The following MOXD1 variants were observed in gnomAD, a reference collection of about 807,000 sequenced individuals.
The protein encoded by MOXD1 is monooxygenase DBH like 1, also known as DBH-like monooxygenase protein 1.
Under a neutral mutation model 66.6 loss-of-function variants are expected in MOXD1, and 62 were observed. The observed-to-expected ratio is 0.93, with a 90% CI of 0.76 to 1.15. MOXD1 has a LOEUF of 1.15. Among genes scored for constraint, MOXD1 ranks in the 50% most tolerant of loss-of-function variants. The pLI is 0.00. For missense variants in MOXD1, 847 were observed against 754.6 expected (o/e 1.12, Z -1.44); for synonymous variants, 303 against 281.9 (o/e 1.07, Z -0.75).
At chr6:132,351,287 T>C (rs1354962465) in intron 4 of MOXD1, among the ~76,000 whole-genome samples, 1 of 152,210 alleles carries the variant, frequency 6.6e-6, no homozygotes, top group Non-Finnish European at 1.5e-5. Context: ...TTGTCGTAGA[T>C]GGCTTTTATT....
At chr6:132,342,881 A>G (rs1234745159) in intron 4 of MOXD1, among the ~76,000 whole-genome samples, 1 of 152,222 alleles carries the variant, frequency 6.6e-6, no homozygotes, top group Non-Finnish European at 1.5e-5. Flanking sequence ...GGGTGAGTAT[A>G]TCTGAATTTC....
Position 132,296,463 on chromosome 6 carries a change from T to C in MOXD1, c.*690A>G, listed in dbSNP as rs1011370612. On this transcript the variant is annotated 3_prime_UTR_variant, in exon 12 of 12. Transcript: ENST00000367963. ...TATGTTTCCCATAGCCTCTTTCTTT[T>C]CAGATAGTGACAGAGCTCTAGAAAA... 1 of 152,154 alleles carries C rather than the reference T, an allele frequency of 6.6e-6. No homozygotes were observed. Among genetic ancestry groups the C allele is most frequent in the African/African-American group, 2.4e-5 (1 of 41,422 alleles). 9.4% of individuals were successfully genotyped at this position (152,154 alleles called of 1,614,324 possible).
At chr6:132,342,527 T>A (rs1373730876) in intron 4 of MOXD1, among the ~76,000 whole-genome samples, 3 of 152,220 alleles carry the variant, frequency 2.0e-5, no homozygotes, top group Admixed American at 6.5e-5. Context: ...TGACTTTTTT[T>A]AAAGCCTTTG....
rs973788706 is a variant in MOXD1 at position 132,312,576 on chromosome 6, A to G, written c.1508+3059T>C. On this transcript the variant is annotated intron_variant, in intron 10 of 11. Transcript: ENST00000367963. ...ATATTTTTGAGGAATAAATTTAACC[A>G]TGAAGTTAAATGGGTTTTGTCCTTT... Among the ~76,000 whole-genome samples the G allele has an allele frequency of 7.9e-5, 12 of 150,954 alleles. No homozygotes were observed. In the East Asian group the frequency reaches 2.4e-3, roughly 30 times the overall value.
intron 6 of MOXD1, 111 bp from the exon 7 acceptor site, chr6:132,324,208 T>C: frequency 4.6e-6 from 5 of 1,087,996 alleles, no homozygotes; most frequent in Non-Finnish European, 2.7e-6. Context: ...TTGAAATAGG[T>C]TTATTTATTT....
chr6:132,360,977 A>T (rs1274137807), intron 4 of MOXD1, among the ~76,000 whole-genome samples: 1 of 152,224 alleles, frequency 6.6e-6, no homozygotes, highest in African/African-American at 2.4e-5. Context: ...CCAAGAGGCT[A>T]TGGGAGCATT....
In MOXD1 at chr6:132,322,857, T is replaced by G. The variant is rs748239399; in HGVS notation, c.1127A>C (p.Glu376Ala). Reference protein sequence around the residue: ...LECLEEALEAEKPSGIHVFAV... With the variant: ...LECLEEALEAAKPSGIHVFAV... ...AAACACATGAATTCCACTTGGCTTT[T>G]CGGCTTCCAGAGCCTACAGGAGACA... The change falls in exon 8 of 12, where the codon GAA (glutamate) becomes GCA (alanine). Residue 376 changes from glutamate (E) to alanine (A), a missense_variant. Physicochemically the swap from Glu to Ala is moderately radical, Grantham distance 107. Transcript: ENST00000367963. 2 of 1,613,296 alleles carry G rather than the reference T, an allele frequency of 1.2e-6. No individual in the cohort carries two copies. Among genetic ancestry groups the G allele is most frequent in the Non-Finnish European group, 1.7e-6 (2 of 1,179,632 alleles).
At chr6:132,361,276 G>A (rs1269269882) in intron 4 of MOXD1, among the ~76,000 whole-genome samples, 2 of 151,228 alleles carry the variant, frequency 1.3e-5, no homozygotes, top group African/African-American at 4.9e-5. Context: ...ACTCAGCTGT[G>A]GTTACAGGAA....
intron 6 of MOXD1, among the ~76,000 whole-genome samples, chr6:132,327,064 G>A (rs1361124572): frequency 6.6e-6 from 1 of 152,052 alleles, no homozygotes; most frequent in Non-Finnish European, 1.5e-5. Context: ...TCCTCTGCAG[G>A]TTCATCAGCA....
chr6:132,377,416 A>G (rs1002509049), intron 1 of MOXD1, among the ~76,000 whole-genome samples: 8 of 152,230 alleles, frequency 5.3e-5, no homozygotes, highest in Non-Finnish European at 7.3e-5. Flanking sequence ...CAGTTCAAAG[A>G]GTAGAATAAT....
intron 1 of MOXD1, among the ~76,000 whole-genome samples, chr6:132,383,761 C>T (rs1465228539): frequency 3.9e-5 from 6 of 152,162 alleles, no homozygotes; most frequent in Non-Finnish European, 8.8e-5. Flanking sequence ...TATCCCATCA[C>T]CTTAATTTTT....
chr6:132,322,387 T>TA (rs992393284), intron 8 of MOXD1, among the ~76,000 whole-genome samples: 1 of 152,170 alleles, frequency 6.6e-6, no homozygotes. Flanking sequence ...ATGTCAAGTA[T>TA]AAAAAAAGAG....
At chr6:132,390,353 G>A (rs957312256) in intron 1 of MOXD1, 1 of 151,294 alleles carries the variant, frequency 6.6e-6, no homozygotes, top group Non-Finnish European at 1.5e-5. Flanking sequence ...TCAAAACTTG[G>A]GACACTTGTT....
chr6:132,350,771 C>T (rs1285021489), intron 4 of MOXD1, among the ~76,000 whole-genome samples: 1 of 152,126 alleles, frequency 6.6e-6, no homozygotes, highest in Non-Finnish European at 1.5e-5. Context: ...GGATGTGTTT[C>T]CATTTGTTTG....
intron 1 of MOXD1, among the ~76,000 whole-genome samples, chr6:132,393,495 G>A (rs1776811191): frequency 6.6e-6 from 1 of 152,164 alleles, no homozygotes; most frequent in African/African-American, 2.4e-5. Flanking sequence ...TGAGGAAAGG[G>A]TAAGTGAGAG....
chr6:132,368,147 A>AC (rs1304205991), intron 4 of MOXD1, among the ~76,000 whole-genome samples: 3 of 151,970 alleles, frequency 2.0e-5, no homozygotes. Flanking sequence ...CAATTCAATA[A>AC]CCCCCATTTC....
chr6:132,377,245 G>C (rs891176186), intron 1 of MOXD1, among the ~76,000 whole-genome samples: 15 of 152,314 alleles, frequency 9.8e-5, no homozygotes, highest in African/African-American at 2.6e-4. Flanking sequence ...CTGTGAGTCT[G>C]TGATTTTCCC....
intron 1 of MOXD1, among the ~76,000 whole-genome samples, chr6:132,384,645 C>A (rs1022368641): frequency 6.6e-6 from 1 of 151,196 alleles, no homozygotes; most frequent in African/African-American, 2.5e-5. Flanking sequence ...AATTAGGAAC[C>A]ATCCATGCAA....
intron 10 of MOXD1, among the ~76,000 whole-genome samples, chr6:132,306,763 A>T (rs1313002178): frequency 1.3e-5 from 2 of 152,228 alleles, no homozygotes; most frequent in African/African-American, 4.8e-5. Flanking sequence ...AGCAAAACTA[A>T]GCTTTTTAAG....
Sources: gnomAD v4.1 joint callset for allele counts (sites outside exome capture counted in the v4.1 genomes callset) on GRCh38, gnomAD v4.1.1 for gene constraint, MANE v1.5 for transcripts, NCBI Gene and HGNC (gene_info 2026-07-23, HGNC 2026-07-21) for gene names.